The following SLC38A1 variants were observed in gnomAD, a reference collection of about 807,000 sequenced individuals.
SLC38A1 encodes solute carrier family 38 member 1, also known as sodium-coupled neutral amino acid symporter 1.
In SLC38A1, 18 loss-of-function variants were observed where a neutral mutation model predicts 60.3. The observed-to-expected ratio is 0.30, with a 90% CI of 0.21 to 0.44. The LOEUF is 0.44. SLC38A1 is among the 20% of genes least tolerant of loss of function. The pLI, the probability that SLC38A1 is intolerant of heterozygous loss-of-function variation, is 1.00. For synonymous variants in SLC38A1, 196 were observed against 212.1 expected (o/e 0.92, Z 0.66); for missense variants, 448 against 587.2 (o/e 0.76, Z 2.45).
chr12:46,224,718 T>A (rs1282894542), intron 5 of SLC38A1, among the ~76,000 whole-genome samples: 2 of 152,304 alleles, frequency 1.3e-5, no homozygotes, highest in Non-Finnish European at 2.9e-5. Context: ...TGAATCCTTG[T>A]CCTGAGGTAG....
rs1224171794 is a variant in SLC38A1 at position 46,255,012 on chromosome 12, T to C, written c.-208-11698A>G. The C allele has an allele frequency of 3.3e-5, 5 of 152,362 alleles. No individual in the cohort carries two copies. In the East Asian group the frequency reaches 9.6e-4, roughly 29 times the overall value. The allele number at this position is 152,362 out of a possible 1,614,324, so 9.4% of individuals were successfully genotyped here. A position where few individuals can be genotyped will look rare whatever the true frequency, so the allele number is the denominator to read the frequency against. ...TTACTTTAGTCTTCCATTGTTTCGG[T>C]TAATTTAGTTAACCCCTGTTCTTGA... On this transcript the variant is annotated intron_variant, in intron 1 of 16. Transcript: ENST00000398637.
intron 1 of SLC38A1, among the ~76,000 whole-genome samples, chr12:46,250,979 T>C (rs920946852): frequency 1.3e-5 from 2 of 152,068 alleles, no homozygotes; most frequent in Non-Finnish European, 2.9e-5. Context: ...CTTCACAGAA[T>C]TGGAAAAAAA....
At chr12:46,248,728 G>T (rs2138585359) in intron 1 of SLC38A1, among the ~76,000 whole-genome samples, 1 of 152,300 alleles carries the variant, frequency 6.6e-6, no homozygotes, top group Admixed American at 6.5e-5. Flanking sequence ...ATTCTTCTCA[G>T]CACTACATCG....
chr12:46,241,669 A>G (rs1342618363), intron 2 of SLC38A1, among the ~76,000 whole-genome samples: 3 of 152,166 alleles, frequency 2.0e-5, no homozygotes, highest in African/African-American at 4.8e-5. Flanking sequence ...TGCAGTGGTG[A>G]TGTTTTACCA....
chr12:46,220,029 T>A (rs745648730), intron 5 of SLC38A1, among the ~76,000 whole-genome samples: 4 of 152,220 alleles, frequency 2.6e-5, no homozygotes, highest in Non-Finnish European at 5.9e-5. Context: ...ATCAGATGCA[T>A]CACAGACGAC....
chr12:46,255,374 C>T lies in SLC38A1; in HGVS notation c.-208-12060G>A, dbSNP rs768519317. ...AAGAAAAACCTGTTGTGCTTTTACT[C>T]CAATGTCTAACTTATGGAAAAAATG... is the stretch of plus-strand genomic sequence containing the variant. On this transcript the variant is annotated intron_variant, in intron 1 of 16. Transcript: ENST00000398637. 4.6e-5 allele frequency among the ~76,000 whole-genome samples: 7 copies of T among 152,278 alleles called. 1 individual carries two copies. In the South Asian group the frequency reaches 1.0e-3, roughly 23 times the overall value.
chr12:46,240,152 T>C (rs1941398005), intron 2 of SLC38A1, among the ~76,000 whole-genome samples: 1 of 152,156 alleles, frequency 6.6e-6, no homozygotes, highest in Non-Finnish European at 1.5e-5. Context: ...AAGAATATCA[T>C]GTTAGCTGTA....
At chr12:46,214,048 T>C (rs1940297405) in intron 5 of SLC38A1, among the ~76,000 whole-genome samples, 1 of 152,262 alleles carries the variant, frequency 6.6e-6, no homozygotes, top group African/African-American at 2.4e-5. Flanking sequence ...TTAGTGACTA[T>C]TTAGAAAAAC....
intron 12 of SLC38A1, among the ~76,000 whole-genome samples, chr12:46,201,910 A>G (rs1939676742): frequency 6.6e-6 from 1 of 150,600 alleles, no homozygotes; most frequent in African/African-American, 2.5e-5. Flanking sequence ...ACGGAGAAGT[A>G]GGCCCCGCGC....
intron 4 of SLC38A1, 145 bp from the exon 5 acceptor site, chr12:46,229,413 A>G: frequency 1.2e-6 from 1 of 808,794 alleles, no homozygotes; most frequent in South Asian, 1.7e-5. Context: ...ATTTCCTTGA[A>G]TGGATTTCAA....
At chr12:46,254,258 G>T (rs926185942) in intron 1 of SLC38A1, among the ~76,000 whole-genome samples, 1 of 152,114 alleles carries the variant, frequency 6.6e-6, no homozygotes, top group Non-Finnish European at 1.5e-5. Flanking sequence ...GAGATCACTG[G>T]TTGGTTCACA....
intron 16 of SLC38A1, among the ~76,000 whole-genome samples, chr12:46,190,407 T>C (rs1319901797): frequency 6.6e-6 from 1 of 152,220 alleles, no homozygotes; most frequent in African/African-American, 2.4e-5. Flanking sequence ...CATGTGCATG[T>C]GTCTTTATAG....
At chr12:46,224,433 A>G (rs1030805545) in intron 5 of SLC38A1, among the ~76,000 whole-genome samples, 2 of 152,228 alleles carry the variant, frequency 1.3e-5, no homozygotes, top group African/African-American at 4.8e-5. Flanking sequence ...TAGGTTAAAA[A>G]AAAATGAGCT....
At chr12:46,252,962 T>C (rs1193731861) in intron 1 of SLC38A1, among the ~76,000 whole-genome samples, 4 of 146,170 alleles carry the variant, frequency 2.7e-5, no homozygotes, top group Admixed American at 2.1e-4. Context: ...AGAAAAATAC[T>C]GCATGATCTC....
At chr12:46,259,125 A>G (rs1246606749) in intron 1 of SLC38A1, among the ~76,000 whole-genome samples, 1 of 152,214 alleles carries the variant, frequency 6.6e-6, no homozygotes, top group Non-Finnish European at 1.5e-5. Context: ...TACCACGCAT[A>G]TGTATACCAA....
chr12:46,206,040 G>A (rs185139726), intron 9 of SLC38A1, 40 bp downstream of exon 9: 1 of 1,198,170 alleles, frequency 8.3e-7, no homozygotes, highest in Non-Finnish European at 1.2e-6. Flanking sequence ...TGATTCACTT[G>A]GGCACTGCAG....
chr12:46,264,822 T>C lies in SLC38A1; in HGVS notation c.-209+3704A>G, dbSNP rs758801694. Among the ~76,000 whole-genome samples the C allele has an allele frequency of 1.1e-4, 16 of 152,278 alleles. No individual in the cohort carries two copies. In the South Asian group the frequency reaches 1.9e-3, roughly 18 times the overall value. ...GTCCATTATATTACTCTGTGTGCCT[T>C]TGCATACAAGATGTCTTTTTCGAAG... is the stretch of plus-strand genomic sequence containing the variant. On this transcript the variant is annotated intron_variant, in intron 1 of 16. Coordinates refer to ENST00000398637, the MANE Select transcript of SLC38A1 (RefSeq NM_030674.4).
rs547857066 is a variant in SLC38A1, at chr12:46,190,707, T to C, written c.1363-1636A>G. Among the ~76,000 whole-genome samples, 7 of 152,354 alleles carry C rather than the reference T, an allele frequency of 4.6e-5. No homozygotes were observed. In the South Asian group the frequency reaches 1.5e-3, roughly 32 times the overall value. On this transcript the variant is annotated intron_variant, in intron 16 of 16. Transcript: ENST00000398637. Reference sequence around the variant, plus strand: ...ACCAGTGATGATGAGCATTTTTTCATGTGTCTGTTGACTGCATAAATGTCT... The same window carrying C: ...ACCAGTGATGATGAGCATTTTTTCACGTGTCTGTTGACTGCATAAATGTCT...
At chr12:46,224,676 T>C (rs902951407) in intron 5 of SLC38A1, among the ~76,000 whole-genome samples, 1 of 152,160 alleles carries the variant, frequency 6.6e-6, no homozygotes, top group Non-Finnish European at 1.5e-5. Context: ...TGAGCAGTTG[T>C]AGGAGCAGCT....
Sources: allele counts gnomAD v4.1 joint callset (sites outside exome capture counted in the v4.1 genomes callset), GRCh38; gene constraint gnomAD v4.1.1; transcripts MANE v1.5; gene names NCBI Gene and HGNC (gene_info 2026-07-23, HGNC 2026-07-21).